Variants in ASB6 observed in about 807,000 individuals in gnomAD.
The protein encoded by ASB6 is ankyrin repeat and SOCS box containing 6.
A neutral mutation model predicts 28.6 loss-of-function variants in ASB6; 24 were observed. The ratio of observed to expected loss-of-function variants is 0.84; its 90% CI spans 0.61 to 1.18. The LOEUF (loss-of-function observed/expected upper bound fraction) is 1.18. ASB6 is among the 50% of genes most tolerant of loss of function. The probability of loss-of-function intolerance (pLI) is 0.00; values close to 1 mark genes in which losing one functional copy is unlikely to be tolerated. For missense variants in ASB6, 519 were observed against 559.8 expected, an observed-to-expected ratio of 0.93 and a Z score of 0.74; for synonymous variants, 267 against 243.4, an observed-to-expected ratio of 1.10 and a Z score of -0.90.
chr9:129,641,741 CGCACTCCGAGCCACGCAA>C lies in ASB6; in HGVS notation c.113+128_113+145del, dbSNP rs1831706642. 6 of 874,724 alleles carry C rather than the reference CGCACTCCGAGCCACGCAA, an allele frequency of 6.9e-6. No homozygotes were observed. The South Asian group carries it at 8.4e-5, about 12-fold the overall frequency. The allele number at this position is 874,724 out of a possible 1,614,324, so 54.2% of individuals were successfully genotyped here. A position where few individuals can be genotyped will look rare whatever the true frequency, so the allele number is the denominator to read the frequency against. On this transcript the variant is annotated intron_variant, in intron 1 of 5. Coordinates refer to ENST00000277458, the MANE Select transcript of ASB6 (RefSeq NM_017873.4). ...GGAGTGGGATCCGCGCGGGGCAGCG[CGCACTCCGAGCCACGCAA>C]CCCCGGCTTCCGCCCGTCCCTTCCT...
chr9:129,635,375 T>C lies in ASB6; in HGVS notation c.*2415A>G, dbSNP rs759283340. ...CCTTGACGTGGTCCGCAGGATCATC[T>C]GCAGTGCAGGCCTCAGCCTCCTGGC... On this transcript the variant is annotated 3_prime_UTR_variant, in exon 6 of 6. Coordinates refer to ENST00000277458, the MANE Select transcript of ASB6 (RefSeq NM_017873.4). The C allele has an allele frequency of 6.2e-7, 1 of 1,613,794 alleles. No individual in the cohort carries two copies.
At chr9:129,639,895 G>A (rs1424966376) in intron 2 of ASB6, among the ~76,000 whole-genome samples, 4 of 152,182 alleles carry the variant, frequency 2.6e-5, no homozygotes, top group Admixed American at 6.5e-5. Context: ...CGGCCCTCCC[G>A]TCTCAGCTCC....
chr9:129,640,083 G>C (rs974789735), intron 2 of ASB6, among the ~76,000 whole-genome samples: 4 of 152,168 alleles, frequency 2.6e-5, no homozygotes, highest in Non-Finnish European at 4.4e-5. Flanking sequence ...CTCCATCCCT[G>C]GCACTCAGGA....
In ASB6 at chr9:129,634,969, T is replaced by C. The variant is rs1831440837; in HGVS notation, c.*2821A>G. 1.8e-6 allele frequency: 1 copy of C among 542,808 alleles called. No homozygotes were observed. The highest frequency in any genetic ancestry group is 3.3e-6 in the Non-Finnish European group (1 of 304,934). The allele number at this position is 542,808 out of a possible 1,614,324, so 33.6% of individuals were successfully genotyped here. On this transcript the variant is annotated 3_prime_UTR_variant, in exon 6 of 6. Transcript: ENST00000277458. The stretch of plus-strand genomic sequence containing the variant: ...GGTATCAGGCAGGACTTGTAAGCCA[T>C]CCCGTCAAGTCAAATTCTGGCTTAA...
At chr9:129,639,599 A>G (rs1424492326) in intron 2 of ASB6, 91 bp from the exon 3 acceptor site, 19 of 1,165,470 alleles carry the variant, frequency 1.6e-5, no homozygotes, top group East Asian at 5.1e-5. Context: ...ACTCCCACCT[A>G]AAGTGTCCAG....
At chr9:129,639,838 A>G (rs1831650051) in intron 2 of ASB6, among the ~76,000 whole-genome samples, 1 of 152,170 alleles carries the variant, frequency 6.6e-6, no homozygotes, top group South Asian at 2.1e-4. Context: ...GCCTGGTGGT[A>G]ACAGCCAGGT....
rs1368593699 is a variant in ASB6, at chr9:129,636,959, CAG to C, written c.*829_*830del. 6.6e-6 allele frequency: 1 copy of C among 152,202 alleles called. No homozygotes were observed. Among genetic ancestry groups the C allele is most frequent in the Non-Finnish European group, 1.5e-5 (1 of 68,048 alleles). The allele number at this position is 152,202 out of a possible 1,614,324, so 9.4% of individuals were successfully genotyped here. A position where few individuals can be genotyped will look rare whatever the true frequency, so the allele number is the denominator to read the frequency against. On this transcript the variant is annotated 3_prime_UTR_variant, in exon 6 of 6. Coordinates refer to ENST00000277458, the MANE Select transcript of ASB6 (RefSeq NM_017873.4). The stretch of plus-strand genomic sequence containing the variant: ...TCATTTAGTCACCTCAGCTTATCCC[CAG>C]AGGTGTTTACACAATTCCCAATGAC...
At position 129,636,525 on chromosome 9, in the gene ASB6, C is replaced by G. The variant is rs927780492; in HGVS notation, c.*1265G>C. On this transcript the variant is annotated 3_prime_UTR_variant, in exon 6 of 6. Coordinates refer to ENST00000277458, the MANE Select transcript of ASB6 (RefSeq NM_017873.4). ...CAGCCTGACCAACATGGCGAAACCCCGTCTCTACTAAAAATACAAAAATCA... is the reference window on the plus strand; with the variant it reads ...CAGCCTGACCAACATGGCGAAACCCGGTCTCTACTAAAAATACAAAAATCA... The G allele has an allele frequency of 5.9e-5, 9 of 151,820 alleles. No homozygotes were observed. Among genetic ancestry groups the G allele is most frequent in the Non-Finnish European group, 1.3e-4 (9 of 67,976 alleles). The allele number at this position is 151,820 out of a possible 1,614,324, so 9.4% of individuals were successfully genotyped here. A position where few individuals can be genotyped will look rare whatever the true frequency, so the allele number is the denominator to read the frequency against.
intron 2 of ASB6, among the ~76,000 whole-genome samples, chr9:129,639,999 G>A (rs1831655236): frequency 6.6e-6 from 1 of 152,198 alleles, no homozygotes; most frequent in African/African-American, 2.4e-5. Flanking sequence ...AGGTCACAAG[G>A]CAGCCCTGCC....
intron 1 of ASB6, 61 bp downstream of exon 1, chr9:129,641,826 T>C (rs1831709761): frequency 6.8e-7 from 1 of 1,472,518 alleles, no homozygotes; most frequent in South Asian, 1.3e-5. Context: ...CTTGTGGTGA[T>C]AAAGTGGGAC....
intron 1 of ASB6, among the ~76,000 whole-genome samples, chr9:129,641,679 G>A (rs920452355): frequency 2.6e-5 from 4 of 152,068 alleles, no homozygotes; most frequent in Admixed American, 1.3e-4. Flanking sequence ...CCGCCCTCGG[G>A]CCCTCCCCGC....
chr9:129,635,030 T>G lies in ASB6; in HGVS notation c.*2760A>C. On this transcript the variant is annotated 3_prime_UTR_variant, in exon 6 of 6. Transcript: ENST00000277458. Reference sequence around the variant, plus strand: ...GGTAGATGACCTCTGAGCCACAGTTTCCTATTCTATGAATTGGGGTTTAGT... The same window carrying G: ...GGTAGATGACCTCTGAGCCACAGTTGCCTATTCTATGAATTGGGGTTTAGT... The G allele has an allele frequency of 4.2e-6, 3 of 709,752 alleles. No individual in the cohort carries two copies. Among genetic ancestry groups the G allele is most frequent in the Non-Finnish European group, 6.9e-6 (3 of 431,822 alleles). The allele number at this position is 709,752 out of a possible 1,614,324, so 44.0% of individuals were successfully genotyped here.
rs200934638 is a variant in ASB6 at position 129,638,278 on chromosome 9, C to T, written c.778G>A (p.Glu260Lys). 5.5e-5 allele frequency: 88 copies of T among 1,613,288 alleles called. No homozygotes were observed. Among genetic ancestry groups the T allele is most frequent in the Non-Finnish European group, 7.0e-5 (83 of 1,180,026 alleles). Residue 260 changes from glutamate (E) to lysine (K), a missense_variant, in exon 6 of 6, where the codon GAG (glutamate) becomes AAG (lysine). Glu to Lys is a moderately conservative substitution (Grantham distance 56). Coordinates refer to ENST00000277458, the MANE Select transcript of ASB6 (RefSeq NM_017873.4). ...TTCAGGCAGATGTGGGTGAGGGACT[C>T]GTGGGCTGGGCACTCGCTGGGGTCG... ...GADPSECPAH[E>K]SLTHICLKSF...
intron 4 of ASB6, 34 bp from the exon 5 acceptor site, chr9:129,638,693 G>A: frequency 6.3e-7 from 1 of 1,585,836 alleles, no homozygotes; most frequent in Non-Finnish European, 8.6e-7. Flanking sequence ...AGGAGCAGGA[G>A]GCCAGGAAGC....
intron 2 of ASB6, among the ~76,000 whole-genome samples, chr9:129,639,912 C>T (rs1452818615): frequency 6.6e-6 from 1 of 152,204 alleles, no homozygotes; most frequent in African/African-American, 2.4e-5. Flanking sequence ...CTCCTTGACC[C>T]TCCAGGAGCC....
chr9:129,637,632 A>C lies in ASB6; in HGVS notation c.*158T>G. On this transcript the variant is annotated 3_prime_UTR_variant, in exon 6 of 6. Transcript: ENST00000277458. ...CCAGAGCTGCACCCTTCACCACTGGAGTGATCACAGCTTCAGGCTCTACCT... is the reference window on the plus strand; with the variant it reads ...CCAGAGCTGCACCCTTCACCACTGGCGTGATCACAGCTTCAGGCTCTACCT... 3.0e-6 allele frequency: 2 copies of C among 672,512 alleles called. No homozygotes were observed. The highest frequency in any genetic ancestry group is 4.6e-6 in the Non-Finnish European group (2 of 436,178). The allele number at this position is 672,512 out of a possible 1,614,324, so 41.7% of individuals were successfully genotyped here.
In ASB6 at chr9:129,642,144, C is replaced by T; in HGVS notation, c.-145G>A. 7.7e-7 allele frequency: 1 copy of T among 1,303,888 alleles called. No homozygotes were observed. Among genetic ancestry groups the T allele is most frequent in the African/African-American group, 1.6e-5 (1 of 64,362 alleles). 80.8% of individuals were successfully genotyped at this position (1,303,888 alleles called of 1,614,324 possible). A position where few individuals can be genotyped will look rare whatever the true frequency, so the allele number is the denominator to read the frequency against. On this transcript the variant is annotated 5_prime_UTR_variant, in exon 1 of 6. Transcript: ENST00000277458. The surrounding 1 kb of genome is among the most constrained non-coding windows in gnomAD (Gnocchi z 4.3). Reference sequence around the variant, plus strand: ...GCCCGGCCGGGTCCGCTCCTCAGTCCAAGCCGCGCCCCCGCCGGAAGTGAC... The same window carrying T: ...GCCCGGCCGGGTCCGCTCCTCAGTCTAAGCCGCGCCCCCGCCGGAAGTGAC...
chr9:129,638,434 T>C lies in ASB6; in HGVS notation c.622A>G (p.Lys208Glu), dbSNP rs752699214. 2 of 1,611,318 alleles carry C rather than the reference T, an allele frequency of 1.2e-6. No homozygotes were observed. The highest frequency in any genetic ancestry group is 2.2e-5 in the East Asian group (1 of 44,810). The change falls in exon 6 of 6, where the codon AAA (lysine) becomes GAA (glutamate). Residue 208 changes from lysine (K) to glutamate (E), a missense_variant. Coordinates refer to ENST00000277458, the MANE Select transcript of ASB6 (RefSeq NM_017873.4). The stretch of plus-strand genomic sequence containing the variant: ...CAGGTGAACACTGTGTCCCCATCTT[T>C]GGTGGTGGCCTTGACGTCTGCCCCT... ...EGGADVKATT[K>E]DGDTVFTCII...
chr9:129,639,179 G>C (rs757555464), intron 4 of ASB6, 23 bp downstream of exon 4: 15 of 1,584,602 alleles, frequency 9.5e-6, no homozygotes, highest in Middle Eastern at 4.6e-4. Flanking sequence ...CAGCTGTCCT[G>C]CTTTCCTGCA....
Sources: allele counts gnomAD v4.1 joint callset (sites outside exome capture counted in the v4.1 genomes callset), GRCh38; gene constraint gnomAD v4.1.1; non-coding constraint Gnocchi (gnomAD v3.1); transcripts MANE v1.5; gene names NCBI Gene and HGNC (gene_info 2026-07-23, HGNC 2026-07-21).